Variants in SGCZ observed in about 807,000 individuals in gnomAD.
SGCZ encodes sarcoglycan zeta, also known as zeta-sarcoglycan.
Under a neutral mutation model 41.3 loss-of-function variants are expected in SGCZ, and 40 were observed. The ratio of observed to expected loss-of-function variants is 0.97; its 90% CI spans 0.75 to 1.26. The LOEUF (loss-of-function observed/expected upper bound fraction) is 1.26. Among genes scored for constraint, SGCZ ranks in the 50% most tolerant of loss-of-function variants. SGCZ has a pLI of 0.00. For missense variants in SGCZ, 552 were observed against 369.8 expected (o/e 1.49, Z -4.04); for synonymous variants, 206 against 137.5 (o/e 1.50, Z -3.49).
chr8:14,545,493 T>A (rs2117162894), intron 2 of SGCZ, among the ~76,000 whole-genome samples: 1 of 152,232 alleles, frequency 6.6e-6, no homozygotes, highest in East Asian at 1.9e-4. Context: ...AAACTTAAAA[T>A]TCTTTTTCTA....
intron 2 of SGCZ, among the ~76,000 whole-genome samples, chr8:14,511,946 T>C (rs1375489782): frequency 1.3e-5 from 2 of 152,104 alleles, no homozygotes; most frequent in African/African-American, 2.4e-5. Context: ...AGATTTTATA[T>C]AATAAAGGTT....
chr8:14,344,961 G>C, intron 2 of SGCZ, among the ~76,000 whole-genome samples: 1 of 152,028 alleles, frequency 6.6e-6, no homozygotes, highest in African/African-American at 2.4e-5. Context: ...AATTTTGACA[G>C]TAATTTCACT....
In SGCZ at chr8:14,940,044, T is replaced by C. The variant is rs1355919539; in HGVS notation, c.39+297541A>G. On this transcript the variant is annotated intron_variant, in intron 1 of 7. Transcript: ENST00000382080. ...GGTGACTGTTTACAAGTTTTGTTTA[T>C]GTTTTTTACAAGGATATGTTCTTAA... 2.0e-5 allele frequency among the ~76,000 whole-genome samples: 3 copies of C among 152,194 alleles called. No individual in the cohort carries two copies. In the South Asian group the frequency reaches 6.2e-4, roughly 31 times the overall value.
At chr8:14,470,218 T>C (rs1407081963) in intron 2 of SGCZ, among the ~76,000 whole-genome samples, 1 of 152,144 alleles carries the variant, frequency 6.6e-6, no homozygotes, top group African/African-American at 2.4e-5. Flanking sequence ...CAGAAATCTA[T>C]GCTAATTTTT....
intron 1 of SGCZ, among the ~76,000 whole-genome samples, chr8:14,752,019 AAAG>A (rs1205718016): frequency 6.6e-6 from 1 of 151,906 alleles, no homozygotes; most frequent in Non-Finnish European, 1.5e-5. Flanking sequence ...TTGTTGCTAC[AAAG>A]AAAAGGGAAA....
intron 1 of SGCZ, among the ~76,000 whole-genome samples, chr8:14,783,973 T>C (rs974836958): frequency 6.6e-5 from 10 of 152,154 alleles, no homozygotes; most frequent in Non-Finnish European, 1.0e-4. Flanking sequence ...GTGGTCAATT[T>C]CACATATGAG....
intron 1 of SGCZ, among the ~76,000 whole-genome samples, chr8:14,581,728 G>T (rs1804895754): frequency 6.6e-6 from 1 of 152,098 alleles, no homozygotes; most frequent in Non-Finnish European, 1.5e-5. Flanking sequence ...GTCAATTATG[G>T]CAGAGCTCTT....
chr8:14,172,339 C>T (rs1257140632), intron 4 of SGCZ, among the ~76,000 whole-genome samples: 2 of 152,122 alleles, frequency 1.3e-5, no homozygotes, highest in Non-Finnish European at 2.9e-5. Flanking sequence ...ATGGCCAACT[C>T]AGCACTGCCT....
At chr8:14,326,991 C>T (rs1271316330) in intron 2 of SGCZ, among the ~76,000 whole-genome samples, 4 of 149,470 alleles carry the variant, frequency 2.7e-5, no homozygotes, top group African/African-American at 9.9e-5. Context: ...CTTAAAGTGG[C>T]AAAAAAAAAT....
chr8:14,233,196 C>T (rs1585258935), intron 4 of SGCZ, among the ~76,000 whole-genome samples: 1 of 151,902 alleles, frequency 6.6e-6, no homozygotes, highest in East Asian at 1.9e-4. Context: ...TATAGACTGA[C>T]AGCATAAGGC....
rs60373575 is a variant in SGCZ at position 15,061,933 on chromosome 8, G to C, written c.39+175652C>G. Among the ~76,000 whole-genome samples, 839 of 152,264 alleles carry C rather than the reference G, an allele frequency of 5.5e-3. 6 individuals are homozygous for C. Among genetic ancestry groups the C allele is most frequent in the African/African-American group, 0.019 (795 of 41,552 alleles). On this transcript the variant is annotated intron_variant, in intron 1 of 7. Transcript: ENST00000382080. Reference sequence around the variant, plus strand: ...ATCCTCCAGGTTTGACTCCTGCCCAGTATCTAGCTGATTTTTGTGGCTTGC... The same window carrying C: ...ATCCTCCAGGTTTGACTCCTGCCCACTATCTAGCTGATTTTTGTGGCTTGC...
intron 1 of SGCZ, among the ~76,000 whole-genome samples, chr8:14,672,188 T>C (rs1249496017): frequency 1.3e-5 from 2 of 152,188 alleles, no homozygotes; most frequent in Admixed American, 6.5e-5. Context: ...ATACCACTCA[T>C]CTGGCAGTTA....
intron 4 of SGCZ, among the ~76,000 whole-genome samples, chr8:14,182,609 G>A (rs937942238): frequency 1.3e-5 from 2 of 152,164 alleles, no homozygotes; most frequent in African/African-American, 4.8e-5. Flanking sequence ...TAACAATGTA[G>A]ATGGAAAAAA....
At chr8:14,422,289 CTTTG>C (rs1281692175) in intron 2 of SGCZ, among the ~76,000 whole-genome samples, 1 of 152,108 alleles carries the variant, frequency 6.6e-6, no homozygotes, top group Non-Finnish European at 1.5e-5. Context: ...GAGTCTGGAT[CTTTG>C]TTTGAAAAGT....
intron 1 of SGCZ, among the ~76,000 whole-genome samples, chr8:14,616,649 A>G (rs897296390): frequency 3.9e-5 from 6 of 152,168 alleles, no homozygotes; most frequent in Non-Finnish European, 5.9e-5. Flanking sequence ...GAGCTTATTT[A>G]AAAAGAGAGA....
chr8:15,081,381 T>C (rs1585543116), intron 1 of SGCZ, among the ~76,000 whole-genome samples: 1 of 152,326 alleles, frequency 6.6e-6, no homozygotes, highest in South Asian at 2.1e-4. Context: ...TGTTTTAACG[T>C]TTTAAATGTT....
rs553988054 is a variant in SGCZ at position 14,499,253 on chromosome 8, G to T, written c.234+55479C>A. 9.5e-4 allele frequency among the ~76,000 whole-genome samples: 145 copies of T among 151,848 alleles called. 1 individual carries two copies. Among genetic ancestry groups the T allele is most frequent in the African/African-American group, 3.4e-3 (142 of 41,446 alleles). On this transcript the variant is annotated intron_variant, in intron 2 of 7. Coordinates refer to ENST00000382080, the MANE Select transcript of SGCZ (RefSeq NM_139167.4). ...AAGTTCTACTTCATATTTGTGAATTGGGTAAATTTCTTTTCAAAACTATTA... is the reference window on the plus strand; with the variant it reads ...AAGTTCTACTTCATATTTGTGAATTTGGTAAATTTCTTTTCAAAACTATTA...
chr8:15,180,500 T>C (rs1800139138), intron 1 of SGCZ, among the ~76,000 whole-genome samples: 1 of 152,060 alleles, frequency 6.6e-6, no homozygotes. Context: ...TTTTTGTAAA[T>C]GCTCTCTTTG....
At chr8:14,218,723 C>T (rs564977168) in intron 4 of SGCZ, among the ~76,000 whole-genome samples, 13 of 152,270 alleles carry the variant, frequency 8.5e-5, no homozygotes, top group African/African-American at 3.1e-4. Flanking sequence ...CGGCCATTTT[C>T]TTATTTGAGT....
Sources: gnomAD v4.1 joint callset for allele counts (sites outside exome capture counted in the v4.1 genomes callset) on GRCh38, gnomAD v4.1.1 for gene constraint, MANE v1.5 for transcripts, NCBI Gene and HGNC (gene_info 2026-07-23, HGNC 2026-07-21) for gene names.